HS6ST3: variants seen among roughly 807,000 people sequenced by gnomAD.
HS6ST3 encodes the protein heparan-sulfate 6-O-sulfotransferase 3.
Under a neutral mutation model 36.7 loss-of-function variants are expected in HS6ST3, and 12 were observed. The ratio of observed to expected loss-of-function variants is 0.33; its 90% CI spans 0.21 to 0.53. HS6ST3 has a LOEUF of 0.53. Ranked by LOEUF, HS6ST3 falls within the 20% of genes least tolerant of loss-of-function variation. The pLI, the probability that HS6ST3 is intolerant of heterozygous loss-of-function variation, is 0.95. For synonymous variants in HS6ST3, 240 were observed against 257.5 expected, an observed-to-expected ratio of 0.93 and a Z score of 0.65; for missense variants, 584 against 640.9, an observed-to-expected ratio of 0.91 and a Z score of 0.96.
At chr13:96,496,828 G>A (rs1456931424) in intron 1 of HS6ST3, among the ~76,000 whole-genome samples, 2 of 152,256 alleles carry the variant, frequency 1.3e-5, no homozygotes, top group East Asian at 1.9e-4. Flanking sequence ...ACCTGTGATA[G>A]TTTGAATAAA....
chr13:96,800,686 T>C lies in HS6ST3; in HGVS notation c.708-31804T>C, dbSNP rs567332918. ...CATCTGTCTCCACCCTCCTTACTGG[T>C]TATCTTGTTATAGTGAATAAAGTCC... On this transcript the variant is annotated intron_variant, in intron 1 of 1. Transcript: ENST00000376705. Among the ~76,000 whole-genome samples the C allele has an allele frequency of 4.6e-5, 7 of 152,108 alleles. No homozygotes were observed. The East Asian group carries it at 1.4e-3, about 29-fold the overall frequency.
At chr13:96,825,416 G>T (rs906066570) in intron 1 of HS6ST3, among the ~76,000 whole-genome samples, 2 of 152,168 alleles carry the variant, frequency 1.3e-5, no homozygotes, top group African/African-American at 4.8e-5. Context: ...AAACAGAAAA[G>T]AGGAAAAAGT....
chr13:96,493,722 T>G (rs1202748870), intron 1 of HS6ST3, among the ~76,000 whole-genome samples: 2 of 152,162 alleles, frequency 1.3e-5, no homozygotes, highest in African/African-American at 4.8e-5. Context: ...AAGGATAAAG[T>G]TTTCTCTTTC....
intron 1 of HS6ST3, among the ~76,000 whole-genome samples, chr13:96,179,604 C>G (rs2054229523): frequency 6.6e-6 from 1 of 152,194 alleles, no homozygotes; most frequent in Non-Finnish European, 1.5e-5. Context: ...ACGGCCTCTT[C>G]TTCTCCTTTT....
chr13:96,394,059 T>C (rs2055408888), intron 1 of HS6ST3, among the ~76,000 whole-genome samples: 2 of 152,206 alleles, frequency 1.3e-5, no homozygotes, highest in African/African-American at 4.8e-5. Context: ...CAGGCAAATA[T>C]ATAGAAACCA....
At chr13:96,522,676 CTT>C (rs908653891) in intron 1 of HS6ST3, among the ~76,000 whole-genome samples, 32 of 56,972 alleles carry the variant, frequency 5.6e-4, no homozygotes, top group Non-Finnish European at 8.7e-4. Flanking sequence ...GCAACCCCTG[CTT>C]TTGTGTGTGT....
chr13:96,674,270 T>G (rs1409889261), intron 1 of HS6ST3, among the ~76,000 whole-genome samples: 2 of 152,108 alleles, frequency 1.3e-5, no homozygotes, highest in African/African-American at 4.8e-5. Context: ...GCCATGATTG[T>G]GTGTTTCCTG....
At chr13:96,332,714 C>G (rs1348185529) in intron 1 of HS6ST3, among the ~76,000 whole-genome samples, 1 of 152,194 alleles carries the variant, frequency 6.6e-6, no homozygotes, top group Non-Finnish European at 1.5e-5. Context: ...AGGCATTTTA[C>G]ATTTTGTACA....
At chr13:96,352,746 A>G (rs1408612213) in intron 1 of HS6ST3, among the ~76,000 whole-genome samples, 1 of 152,222 alleles carries the variant, frequency 6.6e-6, no homozygotes, top group African/African-American at 2.4e-5. Flanking sequence ...ATCTGAGAAT[A>G]GCCAGAAAAT....
At chr13:96,824,586 T>G (rs1878610807) in intron 1 of HS6ST3, among the ~76,000 whole-genome samples, 1 of 152,146 alleles carries the variant, frequency 6.6e-6, no homozygotes, top group Non-Finnish European at 1.5e-5. Context: ...AGTGAGATAA[T>G]GAAGAATGAG....
intron 1 of HS6ST3, among the ~76,000 whole-genome samples, chr13:96,249,404 A>G (rs1235185755): frequency 6.6e-6 from 1 of 152,190 alleles, no homozygotes; most frequent in Non-Finnish European, 1.5e-5. Flanking sequence ...CCCTGGATGC[A>G]TAATGAACAG....
chr13:96,746,752 C>T (rs1876571444), intron 1 of HS6ST3, among the ~76,000 whole-genome samples: 1 of 152,020 alleles, frequency 6.6e-6, no homozygotes, highest in Non-Finnish European at 1.5e-5. Context: ...TCCCCTGGAA[C>T]TCTAATCTAA....
rs537483024 is a variant in HS6ST3, at chr13:96,822,254, G to C, written c.708-10236G>C. On this transcript the variant is annotated intron_variant, in intron 1 of 1. Transcript: ENST00000376705. ...ACCCGCATGCATAAACCACAGCTTTGCAGAGAGCCTTGAGACATCCTCATG... is the reference window on the plus strand; with the variant it reads ...ACCCGCATGCATAAACCACAGCTTTCCAGAGAGCCTTGAGACATCCTCATG... Among the ~76,000 whole-genome samples the C allele has an allele frequency of 3.7e-4, 57 of 152,322 alleles. 1 individual carries two copies. The highest frequency in any genetic ancestry group is 1.9e-4 in the Non-Finnish European group (13 of 68,028).
chr13:96,334,610 A>G (rs1038863134), intron 1 of HS6ST3, among the ~76,000 whole-genome samples: 12 of 152,194 alleles, frequency 7.9e-5, no homozygotes, highest in African/African-American at 2.9e-4. Flanking sequence ...AGGAGGAGCA[A>G]TTCATATCTT....
chr13:96,581,959 C>T (rs528226944), intron 1 of HS6ST3, among the ~76,000 whole-genome samples: 24 of 152,256 alleles, frequency 1.6e-4, no homozygotes, highest in Middle Eastern at 3.4e-3. Context: ...ATACCAGATT[C>T]CAGCCAAGAC....
chr13:96,510,251 T>A (rs1170871114), intron 1 of HS6ST3, among the ~76,000 whole-genome samples: 1 of 152,118 alleles, frequency 6.6e-6, no homozygotes, highest in African/African-American at 2.4e-5. Flanking sequence ...CCAGAGACTT[T>A]AATCAATTTT....
intron 1 of HS6ST3, among the ~76,000 whole-genome samples, chr13:96,116,197 G>A (rs866171298): frequency 7.2e-5 from 11 of 152,140 alleles, no homozygotes; most frequent in Non-Finnish European, 5.9e-5. Context: ...CTCCTTCAAC[G>A]ACTCGAGTGC....
chr13:96,545,221 G>T (rs573620500), intron 1 of HS6ST3, among the ~76,000 whole-genome samples: 2 of 152,170 alleles, frequency 1.3e-5, no homozygotes, highest in Admixed American at 6.5e-5. Context: ...CTACTTATCT[G>T]GATCGTAAGT....
chr13:96,202,099 T>C (rs554058138), intron 1 of HS6ST3, among the ~76,000 whole-genome samples: 1 of 152,232 alleles, frequency 6.6e-6, no homozygotes, highest in Non-Finnish European at 1.5e-5. Flanking sequence ...CTGACTACTT[T>C]GATACATTGC....
Sources: allele counts gnomAD v4.1 joint callset (sites outside exome capture counted in the v4.1 genomes callset), GRCh38; gene constraint gnomAD v4.1.1; transcripts MANE v1.5; gene names NCBI Gene and HGNC (gene_info 2026-07-23, HGNC 2026-07-21).